MCTP2: variants seen among roughly 807,000 people sequenced by gnomAD.
The protein encoded by MCTP2 is multiple C2 and transmembrane domain containing 2.
MCTP2 carries 132 observed loss-of-function variants against 111.6 expected under a neutral mutation model. The observed-to-expected ratio is 1.18, with a 90% confidence interval of 1.03 to 1.37. The LOEUF (loss-of-function observed/expected upper bound fraction) is 1.37. Ranked by LOEUF, MCTP2 falls within the 40% of genes most tolerant of loss-of-function variation. The probability of loss-of-function intolerance (pLI) is 0.00; values close to 1 mark genes in which losing one functional copy is unlikely to be tolerated. For synonymous variants in MCTP2, 395 were observed against 387.7 expected, an observed-to-expected ratio of 1.02 and a Z score of -0.22; for missense variants, 1,183 against 1,067.9, an observed-to-expected ratio of 1.11 and a Z score of -1.50.
intron 19 of MCTP2, among the ~76,000 whole-genome samples, chr15:94,456,327 A>C (rs1243277969): frequency 6.6e-6 from 1 of 152,204 alleles, no homozygotes; most frequent in African/African-American, 2.4e-5. Context: ...TTCACAGGGA[A>C]AAAAAATTAG....
intron 10 of MCTP2, among the ~76,000 whole-genome samples, chr15:94,364,030 C>T (rs899170081): frequency 1.3e-5 from 2 of 149,896 alleles, no homozygotes; most frequent in Non-Finnish European, 3.0e-5. Context: ...TTTTGACCAG[C>T]GTTTCTTGAG....
At chr15:94,265,760 G>A (rs2073483774) in intron 1 of MCTP2, among the ~76,000 whole-genome samples, 1 of 151,898 alleles carries the variant, frequency 6.6e-6, no homozygotes, top group South Asian at 2.1e-4. Context: ...ATAAAATGAA[G>A]GCAAAATAAA....
At chr15:94,464,822 T>C (rs982771977) in intron 20 of MCTP2, among the ~76,000 whole-genome samples, 1 of 152,098 alleles carries the variant, frequency 6.6e-6, no homozygotes, top group African/African-American at 2.4e-5. Context: ...TTTCTAGTTA[T>C]CTTTTCGTTT....
intron 19 of MCTP2, among the ~76,000 whole-genome samples, chr15:94,443,994 A>AAAC (rs2083958507): frequency 1.3e-5 from 2 of 149,700 alleles, no homozygotes; most frequent in South Asian, 2.1e-4. Flanking sequence ...AAAAAAAAAA[A>AAAC]AAAAAAAAAA....
intron 15 of MCTP2, 186 bp from the exon 16 acceptor site, chr15:94,399,735 G>A (rs965580662): frequency 1.7e-6 from 1 of 577,254 alleles, no homozygotes; most frequent in Non-Finnish European, 3.1e-6. Context: ...CCCATGCCAG[G>A]GACTCTTATC....
intron 1 of MCTP2, among the ~76,000 whole-genome samples, chr15:94,245,232 G>GTATGTATATATACACA (rs1314239290): frequency 7.3e-6 from 1 of 136,756 alleles, no homozygotes; most frequent in African/African-American, 2.7e-5. Context: ...ATATACATAT[G>GTATGTATATATACACA]TATGTATATA....
chr15:94,466,448 G>A lies in MCTP2; in HGVS notation c.2361-3885G>A, dbSNP rs74031265. 7.1e-3 allele frequency among the ~76,000 whole-genome samples: 1,073 copies of A among 152,106 alleles called. 15 individuals are homozygous for A. The highest frequency in any genetic ancestry group is 0.024 in the African/African-American group (1,014 of 41,512). The stretch of plus-strand genomic sequence containing the variant: ...CCTTTCTTAAATTTTTTTGCTTGAG[G>A]CTTTTCAAGCAACACTGGTAGCATA... On this transcript the variant is annotated intron_variant, in intron 20 of 22. Coordinates refer to ENST00000357742, the MANE Select transcript of MCTP2 (RefSeq NM_001385001.1).
intron 14 of MCTP2, among the ~76,000 whole-genome samples, chr15:94,397,721 C>T (rs558208863): frequency 6.6e-6 from 1 of 152,314 alleles, no homozygotes; most frequent in East Asian, 1.9e-4. Flanking sequence ...ACTTATACAA[C>T]TCATTTCTAC....
rs766253196 is a variant in MCTP2, at chr15:94,355,871, G to A, written c.1006-266G>A. On this transcript the variant is annotated intron_variant, in intron 8 of 22. Coordinates refer to ENST00000357742, the MANE Select transcript of MCTP2 (RefSeq NM_001385001.1). The stretch of plus-strand genomic sequence containing the variant: ...AGTTGAAGGAGTCCCACCAAAGAGC[G>A]CATCTGGGTGGGAGTACCGGCCAGT... 944 of 1,005,814 alleles carry A rather than the reference G, an allele frequency of 9.4e-4. 1 individual carries two copies. The highest frequency in any genetic ancestry group is 1.1e-3 in the Non-Finnish European group (900 of 838,830). The allele number at this position is 1,005,814 out of a possible 1,614,324, so 62.3% of individuals were successfully genotyped here.
chr15:94,273,528 C>G (rs1347928969), intron 1 of MCTP2: 1 of 189,612 alleles, frequency 5.3e-6, no homozygotes. Context: ...CCTGGGACCA[C>G]AGCAAAAACT....
intron 17 of MCTP2, among the ~76,000 whole-genome samples, chr15:94,425,563 A>G (rs1020144443): frequency 6.6e-6 from 1 of 151,388 alleles, no homozygotes; most frequent in East Asian, 1.9e-4. Flanking sequence ...GTAAAAAAAA[A>G]GAACAAAAAT....
chr15:94,275,962 C>T (rs148740326), intron 1 of MCTP2, among the ~76,000 whole-genome samples: 1,756 of 151,352 alleles, frequency 0.012, 37 homozygotes, highest in African/African-American at 0.038. Context: ...AATTCTCCTG[C>T]CTCAGCCTCC....
intron 1 of MCTP2, among the ~76,000 whole-genome samples, chr15:94,256,966 C>G (rs1052586634): frequency 1.6e-4 from 25 of 152,142 alleles, no homozygotes; most frequent in Non-Finnish European, 3.2e-4. Context: ...GACCAACCTT[C>G]ACCTCCTCTC....
At chr15:94,280,679 A>G (rs1292958803) in intron 1 of MCTP2, among the ~76,000 whole-genome samples, 9 of 151,984 alleles carry the variant, frequency 5.9e-5, no homozygotes, top group African/African-American at 2.2e-4. Context: ...TCTAAGTGTG[A>G]TGTTAGATTG....
chr15:94,464,518 C>T (rs1288636955), intron 20 of MCTP2, among the ~76,000 whole-genome samples: 1 of 148,534 alleles, frequency 6.7e-6, no homozygotes, highest in Admixed American at 6.8e-5. Flanking sequence ...CACCATTTGC[C>T]TTCACTAATC....
intron 14 of MCTP2, among the ~76,000 whole-genome samples, chr15:94,393,752 TAAAG>T (rs758779979): frequency 5.9e-5 from 9 of 152,022 alleles, no homozygotes; most frequent in Non-Finnish European, 1.2e-4. Flanking sequence ...GCAGAAAACT[TAAAG>T]AAGTCAAAAT....
chr15:94,442,806 T>G, intron 18 of MCTP2, 113 bp from the exon 19 acceptor site: 2 of 857,824 alleles, frequency 2.3e-6, no homozygotes, highest in Non-Finnish European at 3.9e-6. Context: ...GTAATGCATT[T>G]CAAAAATATA....
chr15:94,400,619 T>TC (rs1420509766), intron 16 of MCTP2, among the ~76,000 whole-genome samples: 2 of 146,772 alleles, frequency 1.4e-5, no homozygotes, highest in East Asian at 2.0e-4. Context: ...TTTTTTTTTT[T>TC]CCGTGACCTT....
At position 94,387,882 on chromosome 15, in the gene MCTP2, C is replaced by T. The variant is rs146191880; in HGVS notation, c.1788+2357C>T. On this transcript the variant is annotated intron_variant, in intron 14 of 22. Transcript: ENST00000357742. ...AACGTAAGGAGGTGAGGGAGAGAGCCATGTGGATATCTGAGAAATCCCTCC... is the reference window on the plus strand; with the variant it reads ...AACGTAAGGAGGTGAGGGAGAGAGCTATGTGGATATCTGAGAAATCCCTCC... Among the ~76,000 whole-genome samples, 232 of 152,238 alleles carry T rather than the reference C, an allele frequency of 1.5e-3. 4 individuals are homozygous for T. The East Asian group carries it at 0.039, about 26-fold the overall frequency.
Sources: gnomAD v4.1 joint callset for allele counts (sites outside exome capture counted in the v4.1 genomes callset) on GRCh38, gnomAD v4.1.1 for gene constraint, MANE v1.5 for transcripts, NCBI Gene and HGNC (gene_info 2026-07-23, HGNC 2026-07-21) for gene names.